Variants in PTPRN2 observed in about 807,000 individuals in gnomAD.
PTPRN2 encodes the protein receptor-type tyrosine-protein phosphatase N2.
A neutral mutation model predicts 118.8 loss-of-function variants in PTPRN2; 74 were observed. The ratio of observed to expected loss-of-function variants is 0.62; its 90% confidence interval spans 0.52 to 0.76. The LOEUF (loss-of-function observed/expected upper bound fraction) is 0.76, where lower values mean the gene tolerates loss of function less well. PTPRN2 is among the 30% of genes least tolerant of loss of function. The probability of loss-of-function intolerance (pLI) is 0.00; values close to 1 mark genes in which losing one functional copy is unlikely to be tolerated. For synonymous variants in PTPRN2, 641 were observed against 608.0 expected (o/e 1.05, Z -0.80); for missense variants, 1,481 against 1,394.4 (o/e 1.06, Z -0.99).
chr7:158,324,028 CAGG>C (rs1348273017), intron 2 of PTPRN2, among the ~76,000 whole-genome samples: 1 of 43,196 alleles, frequency 2.3e-5, no homozygotes, highest in African/African-American at 7.6e-5. Context: ...GACACACACA[CAGG>C]AGCACGTACA....
At position 158,364,748 on chromosome 7, in the gene PTPRN2, G is replaced by A. The variant is rs139059855; in HGVS notation, c.164-47816C>T. ...TGTTTGTGGGGCATCGTCTATAGCC[G>A]GGGCTCCTCCCCTCTCTCTGTCCAC... On this transcript the variant is annotated intron_variant, in intron 2 of 22. Coordinates refer to ENST00000389418, the MANE Select transcript of PTPRN2 (RefSeq NM_002847.5). 5.3e-4 allele frequency among the ~76,000 whole-genome samples: 81 copies of A among 152,206 alleles called. 1 individual carries two copies. The East Asian group carries it at 0.013, about 25-fold the overall frequency.
At chr7:158,414,393 A>C (rs1438473772) in intron 2 of PTPRN2, among the ~76,000 whole-genome samples, 2 of 152,210 alleles carry the variant, frequency 1.3e-5, no homozygotes, top group African/African-American at 4.8e-5. Context: ...CCGGGCGGTT[A>C]ACAATGGCTA....
chr7:158,523,743 T>G, intron 1 of PTPRN2, among the ~76,000 whole-genome samples: 2 of 108,830 alleles, frequency 1.8e-5, no homozygotes, highest in African/African-American at 4.0e-5. Context: ...AGTGGAGTCG[T>G]CTGCCCTGGA....
rs148958082 is a variant in PTPRN2, at chr7:158,370,738, C to T, written c.164-53806G>A. On this transcript the variant is annotated intron_variant, in intron 2 of 22. Coordinates refer to ENST00000389418, the MANE Select transcript of PTPRN2 (RefSeq NM_002847.5). ...CTGCACTCCAGCCTGGGTGACAGAG[C>T]GAGACTCCTGTCTCAAAAAAATTTT... Among the ~76,000 whole-genome samples, 422 of 152,006 alleles carry T rather than the reference C, an allele frequency of 2.8e-3. 8 individuals are homozygous for T. Among genetic ancestry groups the T allele is most frequent in the Admixed American group, 0.018 (273 of 15,262 alleles).
At chr7:158,348,005 G>A (rs772220910) in intron 2 of PTPRN2, among the ~76,000 whole-genome samples, 8 of 152,070 alleles carry the variant, frequency 5.3e-5, no homozygotes, top group African/African-American at 1.7e-4. Flanking sequence ...TTGCGGCCCA[G>A]GAGCCACAAG....
At position 158,457,959 on chromosome 7, in the gene PTPRN2, G is replaced by C. The variant is rs1818660473; in HGVS notation, c.163+31776C>G. On this transcript the variant is annotated intron_variant, in intron 2 of 22. Transcript: ENST00000389418. ...CTCTGACTGAATTTTCATCCATTTG[G>C]AAGGGTTCCGGGTCTCCTGGGAGTT... Among the ~76,000 whole-genome samples, 4 of 152,212 alleles carry C rather than the reference G, an allele frequency of 2.6e-5. No individual in the cohort carries two copies. The South Asian group carries it at 8.3e-4, about 32-fold the overall frequency.
intron 2 of PTPRN2, among the ~76,000 whole-genome samples, chr7:158,329,537 C>G (rs949587116): frequency 6.6e-6 from 1 of 152,158 alleles, no homozygotes; most frequent in Non-Finnish European, 1.5e-5. Flanking sequence ...GAGGAGGCAC[C>G]GTCGATGAGC....
chr7:157,809,558 G>A (rs1805848219), intron 12 of PTPRN2, among the ~76,000 whole-genome samples: 1 of 152,202 alleles, frequency 6.6e-6, no homozygotes, highest in Non-Finnish European at 1.5e-5. Flanking sequence ...TAGGGTCTCT[G>A]TGGATGGAGT....
At chr7:157,576,960 A>G (rs1800087149) in intron 18 of PTPRN2, among the ~76,000 whole-genome samples, 181 bp from the exon 19 acceptor site, 1 of 152,202 alleles carries the variant, frequency 6.6e-6, no homozygotes, top group African/African-American at 2.4e-5. Context: ...TCCCAGTGTT[A>G]ACGCACTGAA....
At chr7:157,556,689 A>C (rs1798906466) in intron 21 of PTPRN2, among the ~76,000 whole-genome samples, 1 of 150,288 alleles carries the variant, frequency 6.7e-6, no homozygotes, top group East Asian at 2.0e-4. Flanking sequence ...TCACATACAC[A>C]CATGCCCACA....
intron 5 of PTPRN2, among the ~76,000 whole-genome samples, chr7:158,174,562 T>A (rs1824017009): frequency 6.6e-6 from 1 of 152,142 alleles, no homozygotes; most frequent in African/African-American, 2.4e-5. Context: ...ACCCCCGCCA[T>A]CAGCATCATC....
At chr7:158,411,479 C>T (rs557427472) in intron 2 of PTPRN2, among the ~76,000 whole-genome samples, 4 of 152,188 alleles carry the variant, frequency 2.6e-5, no homozygotes, top group Non-Finnish European at 5.9e-5. Context: ...GTCCCCCCAG[C>T]ACTCACGGCT....
intron 1 of PTPRN2, among the ~76,000 whole-genome samples, chr7:158,490,345 G>C: frequency 6.6e-6 from 1 of 152,224 alleles, no homozygotes. Flanking sequence ...GACGAAGACG[G>C]GCAGGAAAGG....
chr7:158,500,594 G>A (rs1272959069), intron 1 of PTPRN2, among the ~76,000 whole-genome samples: 1 of 152,296 alleles, frequency 6.6e-6, no homozygotes. Context: ...GTGGAACTCC[G>A]AACCTTCACT....
chr7:157,543,135 A>G (rs1798093488), intron 22 of PTPRN2, among the ~76,000 whole-genome samples: 1 of 152,228 alleles, frequency 6.6e-6, no homozygotes, highest in Admixed American at 6.5e-5. Flanking sequence ...AAAATACAAC[A>G]GCAACAGATG....
Position 158,133,907 on chromosome 7 carries a change from G to C in PTPRN2, c.1326C>G (p.Ala442=), listed in dbSNP as rs373425856. 6.2e-7 allele frequency: 1 copy of C among 1,613,788 alleles called. No individual in the cohort carries two copies. Among genetic ancestry groups the C allele is most frequent in the Admixed American group, 1.7e-5 (1 of 60,004 alleles). ...TCTGGCTCTTGACGTTCTCCACTCC[G>C]GCAGTCTCCTCTTCTGAAGACAGGG... ...ESSLSSEEET[A]GVENVKSQTY... is the part of the protein sequence containing the mutation. Residue 442 remains alanine (A), a synonymous_variant, in exon 9 of 23, where the codon GCC becomes GCG. Coordinates refer to ENST00000389418, the MANE Select transcript of PTPRN2 (RefSeq NM_002847.5).
chr7:158,418,250 G>A (rs567261762), intron 2 of PTPRN2, among the ~76,000 whole-genome samples: 2 of 151,802 alleles, frequency 1.3e-5, no homozygotes, highest in Non-Finnish European at 2.9e-5. Flanking sequence ...GTGTCCCACT[G>A]TGTTGTCATG....
chr7:158,180,744 G>C (rs1824634009), intron 5 of PTPRN2, among the ~76,000 whole-genome samples: 1 of 152,048 alleles, frequency 6.6e-6, no homozygotes, highest in Non-Finnish European at 1.5e-5. Context: ...TTCTCAGCTT[G>C]GTCATTGTTG....
intron 2 of PTPRN2, among the ~76,000 whole-genome samples, chr7:158,374,508 T>C (rs7811362): frequency 0.015 from 2,285 of 151,860 alleles, 58 homozygotes; most frequent in African/African-American, 0.052. Flanking sequence ...GTAAAAAGGA[T>C]TGTACAAGAA....
Sources: gnomAD v4.1 joint callset for allele counts (sites outside exome capture counted in the v4.1 genomes callset) on GRCh38, gnomAD v4.1.1 for gene constraint, MANE v1.5 for transcripts, NCBI Gene and HGNC (gene_info 2026-07-23, HGNC 2026-07-21) for gene names.